The following CCDC171 variants were observed in gnomAD, a reference collection of about 807,000 sequenced individuals.
CCDC171 encodes the protein coiled-coil domain containing 171.
Under a neutral mutation model 168.2 loss-of-function variants are expected in CCDC171, and 177 were observed. That is an observed-to-expected ratio of 1.05 (90% CI 0.93 to 1.19). The LOEUF (loss-of-function observed/expected upper bound fraction) is 1.19. Among genes scored for constraint, CCDC171 ranks in the 50% most tolerant of loss-of-function variants. The pLI is 0.00. For missense variants in CCDC171, 1,991 were observed against 1,539.0 expected, an observed-to-expected ratio of 1.29 and a Z score of -4.91; for synonymous variants, 687 against 540.8, an observed-to-expected ratio of 1.27 and a Z score of -3.75.
At chr9:15,806,637 T>C (rs1315332520) in intron 21 of CCDC171, among the ~76,000 whole-genome samples, 1 of 151,992 alleles carries the variant, frequency 6.6e-6, no homozygotes, top group Non-Finnish European at 1.5e-5. Flanking sequence ...CTGCCCTTTT[T>C]CTCTAGCTAA....
At chr9:15,789,954 G>T (rs1255909910) in intron 21 of CCDC171, among the ~76,000 whole-genome samples, 1 of 152,088 alleles carries the variant, frequency 6.6e-6, no homozygotes, top group Non-Finnish European at 1.5e-5. Context: ...TGGCTGCATA[G>T]TATTCCATGG....
At chr9:16,015,228 C>T (rs112028971) in intron 3 of CCDC171, among the ~76,000 whole-genome samples, 2,774 of 152,258 alleles carry the variant, frequency 0.018, 82 homozygotes, top group African/African-American at 0.062. Context: ...CCTTACACTT[C>T]TATGTAATGG....
intron 10 of CCDC171, 109 bp downstream of exon 10, chr9:15,679,005 T>A: frequency 1.3e-6 from 1 of 747,002 alleles, no homozygotes; most frequent in Non-Finnish European, 2.1e-6. Flanking sequence ...TGCAAGTTAT[T>A]TTAGTGACAT....
At chr9:15,610,467 A>AAAAAAAAAC (rs2043585951) in intron 6 of CCDC171, among the ~76,000 whole-genome samples, 1 of 140,764 alleles carries the variant, frequency 7.1e-6, no homozygotes, top group Non-Finnish European at 1.5e-5. Flanking sequence ...AAAAAAAAAA[A>AAAAAAAAAC]AAAAAAAAAA....
chr9:16,009,790 C>A (rs1049812573), intron 3 of CCDC171, among the ~76,000 whole-genome samples: 1 of 151,988 alleles, frequency 6.6e-6, no homozygotes, highest in Non-Finnish European at 1.5e-5. Flanking sequence ...GGAAATGGAA[C>A]TAATTTTTAA....
At chr9:15,860,613 G>A (rs1168814736) in intron 23 of CCDC171, among the ~76,000 whole-genome samples, 1 of 151,904 alleles carries the variant, frequency 6.6e-6, no homozygotes, top group Non-Finnish European at 1.5e-5. Flanking sequence ...AGTCAGAAAA[G>A]AAACTTGGTA....
At chr9:15,565,179 C>G (rs1489821615) in intron 2 of CCDC171, among the ~76,000 whole-genome samples, 1 of 151,338 alleles carries the variant, frequency 6.6e-6, no homozygotes, top group Admixed American at 6.6e-5. Flanking sequence ...ACCTCCGCCT[C>G]CCGAGTTCAA....
At chr9:15,569,771 T>C (rs954024338) in intron 2 of CCDC171, among the ~76,000 whole-genome samples, 7 of 150,396 alleles carry the variant, frequency 4.7e-5, no homozygotes, top group Non-Finnish European at 8.9e-5. Context: ...GCCGAGATCG[T>C]GCCACTGCAC....
intron 16 of CCDC171, among the ~76,000 whole-genome samples, chr9:15,734,064 T>C (rs910261057): frequency 6.6e-6 from 1 of 152,190 alleles, no homozygotes; most frequent in Non-Finnish European, 1.5e-5. Flanking sequence ...CGTGAGCCAC[T>C]GTACCCAGCT....
intron 7 of CCDC171, among the ~76,000 whole-genome samples, chr9:15,646,444 GAC>G (rs1183845661): frequency 6.6e-6 from 1 of 152,134 alleles, no homozygotes; most frequent in African/African-American, 2.4e-5. Flanking sequence ...CCAATTAAAA[GAC>G]ACAGACTGGC....
chr9:15,735,327 A>G (rs2054423515), intron 16 of CCDC171, among the ~76,000 whole-genome samples: 2 of 152,204 alleles, frequency 1.3e-5, no homozygotes, highest in Admixed American at 1.3e-4. Context: ...GCCACATACC[A>G]TTCCATTTAC....
intron 11 of CCDC171, among the ~76,000 whole-genome samples, chr9:15,715,592 G>A (rs1417438884): frequency 3.3e-5 from 5 of 152,128 alleles, no homozygotes; most frequent in Non-Finnish European, 7.4e-5. Context: ...AAACATGAAC[G>A]TGACTACTCA....
At chr9:16,033,844 C>A (rs1280609714) in intron 6 of CCDC171, among the ~76,000 whole-genome samples, 1 of 152,116 alleles carries the variant, frequency 6.6e-6, no homozygotes, top group Non-Finnish European at 1.5e-5. Context: ...CTAGGTTCTC[C>A]CAACATCCTA....
At chr9:16,028,960 C>T (rs1188423532) in intron 6 of CCDC171, among the ~76,000 whole-genome samples, 2 of 152,284 alleles carry the variant, frequency 1.3e-5, no homozygotes, top group Non-Finnish European at 1.5e-5. Context: ...CAGCCTCTGC[C>T]GGTGCCTTTT....
At chr9:16,021,161 C>T (rs1833150681) in intron 4 of CCDC171, among the ~76,000 whole-genome samples, 1 of 152,192 alleles carries the variant, frequency 6.6e-6, no homozygotes, top group African/African-American at 2.4e-5. Context: ...GATCTCGGCG[C>T]ACTGCAACCT....
rs879875060 is a variant in CCDC171 at position 15,963,353 on chromosome 9, T to TA, written c.3754-8245dup. ...TGTGAAAAAAAATCACTCTTAAAGT[T>TA]AAAAAAAAAAAGTTTTGTTTATCTA... On this transcript the variant is annotated intron_variant, in intron 25 of 25. Transcript: ENST00000380701. Among the ~76,000 whole-genome samples the TA allele has an allele frequency of 1.2e-3, 172 of 147,684 alleles. 1 individual carries two copies. The highest frequency in any genetic ancestry group is 3.1e-3 in the African/African-American group (125 of 40,520).
At chr9:15,795,253 A>G (rs2058492723) in intron 21 of CCDC171, among the ~76,000 whole-genome samples, 2 of 152,194 alleles carry the variant, frequency 1.3e-5, no homozygotes, top group South Asian at 2.1e-4. Flanking sequence ...AAGAAACCCT[A>G]TTTCATCGGT....
intron 18 of CCDC171, among the ~76,000 whole-genome samples, chr9:15,749,807 G>T (rs906698526): frequency 6.6e-6 from 1 of 152,054 alleles, no homozygotes; most frequent in African/African-American, 2.4e-5. Flanking sequence ...AGAATCTCTG[G>T]GACACATTTA....
intron 25 of CCDC171, among the ~76,000 whole-genome samples, chr9:15,937,173 T>G (rs1046793362): frequency 1.3e-5 from 2 of 152,038 alleles, no homozygotes; most frequent in Non-Finnish European, 2.9e-5. Flanking sequence ...CACCTAAATT[T>G]TCCTGACAGT....
Sources: allele counts gnomAD v4.1 joint callset (sites outside exome capture counted in the v4.1 genomes callset), GRCh38; gene constraint gnomAD v4.1.1; transcripts MANE v1.5; gene names NCBI Gene and HGNC (gene_info 2026-07-23, HGNC 2026-07-21).